The following CTBP2 variants were observed in gnomAD, a reference collection of about 807,000 sequenced individuals.
CTBP2 encodes C-terminal binding protein 2, also known as C-terminal-binding protein 2.
CTBP2 carries 30 observed loss-of-function variants against 80.3 expected under a neutral mutation model. The observed-to-expected ratio is 0.37, with a 90% confidence interval of 0.28 to 0.51. The LOEUF (loss-of-function observed/expected upper bound fraction) is 0.51. Ranked by LOEUF, CTBP2 falls within the 20% of genes least tolerant of loss-of-function variation. CTBP2 has a pLI of 0.93. For missense variants in CTBP2, 1,212 were observed against 1,375.3 expected, an observed-to-expected ratio of 0.88 and a Z score of 1.88; for synonymous variants, 594 against 587.4, an observed-to-expected ratio of 1.01 and a Z score of -0.16.
At chr10:125,015,104 G>A (rs1433386335) in intron 1 of CTBP2, among the ~76,000 whole-genome samples, 1 of 152,214 alleles carries the variant, frequency 6.6e-6, no homozygotes, top group Non-Finnish European at 1.5e-5. Flanking sequence ...TGAGTGACCG[G>A]AGCCCGAGGG....
chr10:125,054,721 T>A (rs1017956552), intron 2 of CTBP2, among the ~76,000 whole-genome samples: 4 of 149,056 alleles, frequency 2.7e-5, no homozygotes, highest in Admixed American at 6.6e-5. Flanking sequence ...ACAGAAAAGA[T>A]AAAAACAGTA....
intron 2 of CTBP2, among the ~76,000 whole-genome samples, chr10:125,108,335 T>A (rs759141448): frequency 6.6e-5 from 10 of 152,234 alleles, no homozygotes; most frequent in Non-Finnish European, 1.5e-5. Context: ...AAGAAAATAC[T>A]AAGAGGGCAA....
chr10:125,077,538 A>G (rs893099199), intron 2 of CTBP2, among the ~76,000 whole-genome samples: 1 of 152,218 alleles, frequency 6.6e-6, no homozygotes, highest in Non-Finnish European at 1.5e-5. Context: ...CCTGGCAGCC[A>G]ATAGTAATCG....
rs574149948 is a variant in CTBP2 at position 125,066,151 on chromosome 10, C to T, written c.-101-26996G>A. Among the ~76,000 whole-genome samples the T allele has an allele frequency of 2.0e-5, 3 of 151,930 alleles. No homozygotes were observed. The highest frequency in any genetic ancestry group is 2.9e-5 in the Non-Finnish European group (2 of 67,988). The stretch of plus-strand genomic sequence containing the variant: ...GCTGATGTCCTAACACCCAGGACAA[C>T]GTCTGAGTGACCAGTGGCTCTTGGC... On this transcript the variant is annotated intron_variant, in intron 2 of 10. Coordinates refer to the CTBP2 transcript ENST00000337195. This position sits in a 1 kb window ranked among gnomAD's most constrained non-coding sequence, Gnocchi z 4.1.
intron 2 of CTBP2, among the ~76,000 whole-genome samples, chr10:125,104,514 C>T (rs965783561): frequency 6.6e-6 from 1 of 152,188 alleles, no homozygotes; most frequent in Non-Finnish European, 1.5e-5. Flanking sequence ...GTATAAATGT[C>T]ACTGTTCGGG....
upstream of CTBP2, among the ~76,000 whole-genome samples, chr10:125,028,505 T>C (rs1038372287): frequency 4.6e-5 from 7 of 152,372 alleles, no homozygotes; most frequent in South Asian, 6.2e-4. Flanking sequence ...TGAAACCTGA[T>C]GCTTTGATAA....
intron 2 of CTBP2, among the ~76,000 whole-genome samples, chr10:125,072,634 G>C (rs148052499): frequency 1.0e-5 from 1 of 100,144 alleles, no homozygotes. Context: ...AAAAAGAAAA[G>C]AAAAAAAAAA....
chr10:125,006,519 G>T lies in CTBP2; in HGVS notation c.1679-3027C>A, dbSNP rs1955262764. 2.6e-5 allele frequency among the ~76,000 whole-genome samples: 4 copies of T among 152,192 alleles called. No individual in the cohort carries two copies. In the South Asian group the frequency reaches 8.3e-4, roughly 31 times the overall value. ...CCAGAGAATCTGGACTGAAATTCAA[G>T]CCCTTGCCTAGCAGCCGCTGCCCTA... On this transcript the variant is annotated intron_variant, in intron 1 of 8. Transcript: ENST00000309035.
Position 125,027,995 on chromosome 10 carries a change from G to T in CTBP2, c.-236C>A. ...TCACTCCCCAACGATAGCCAGAGAG[G>T]TCTGTTCCTTACAGCTCAGTCCCGG... is the stretch of plus-strand genomic sequence containing the variant. On this transcript the variant is annotated 5_prime_UTR_variant, in exon 1 of 9. Transcript: ENST00000309035. 8.1e-7 allele frequency: 1 copy of T among 1,237,128 alleles called. No homozygotes were observed. The highest frequency in any genetic ancestry group is 1.1e-6 in the Non-Finnish European group (1 of 949,778). 76.6% of individuals were successfully genotyped at this position (1,237,128 alleles called of 1,614,324 possible).
chr10:124,990,617 A>G lies in CTBP2; in HGVS notation c.2778-919T>C, dbSNP rs74160993. 3.5e-3 allele frequency among the ~76,000 whole-genome samples: 535 copies of G among 152,330 alleles called. 2 individuals carry two copies. Among genetic ancestry groups the G allele is most frequent in the African/African-American group, 0.012 (497 of 41,578 alleles). On this transcript the variant is annotated intron_variant, in intron 8 of 8. Transcript: ENST00000309035. The stretch of plus-strand genomic sequence containing the variant: ...CTTCTGACTGATAAAATGATTTCCC[A>G]ACAGAGTACAATGGACCCTTAGGGA...
At chr10:125,073,907 T>G (rs960011724) in intron 2 of CTBP2, among the ~76,000 whole-genome samples, 4 of 152,180 alleles carry the variant, frequency 2.6e-5, no homozygotes, top group African/African-American at 9.7e-5. Context: ...CCCAGGACGG[T>G]CTGTTCTTAC....
At chr10:125,147,830 G>A (rs556612076) in intron 1 of CTBP2, among the ~76,000 whole-genome samples, 2 of 152,098 alleles carry the variant, frequency 1.3e-5, no homozygotes, top group Admixed American at 6.5e-5. Flanking sequence ...CCGGGAGGTC[G>A]AGGCCGCAGT....
chr10:125,155,820 T>G (rs1269642884), intron 1 of CTBP2, among the ~76,000 whole-genome samples: 1 of 152,186 alleles, frequency 6.6e-6, no homozygotes, highest in Non-Finnish European at 1.5e-5. Flanking sequence ...TGCTGTAACT[T>G]TAACTTGCAG....
chr10:125,101,660 G>T (rs1850643054), intron 2 of CTBP2, among the ~76,000 whole-genome samples: 2 of 152,150 alleles, frequency 1.3e-5, no homozygotes, highest in Admixed American at 1.3e-4. Flanking sequence ...AGACCTTCAC[G>T]ACCAAGAAAG....
At chr10:125,095,245 C>T (rs1314194550) in intron 2 of CTBP2, among the ~76,000 whole-genome samples, 4 of 152,200 alleles carry the variant, frequency 2.6e-5, no homozygotes, top group African/African-American at 4.8e-5. Flanking sequence ...AAGGTCTCTA[C>T]TGACAAAGGC....
chr10:125,024,740 CAGTT>C (rs772373580), intron 1 of CTBP2, among the ~76,000 whole-genome samples: 5 of 152,198 alleles, frequency 3.3e-5, no homozygotes, highest in Admixed American at 1.3e-4. Flanking sequence ...CCATGCAAAT[CAGTT>C]GGTTGCAAAG....
At chr10:125,062,531 G>A (rs1031790183) in intron 2 of CTBP2, among the ~76,000 whole-genome samples, 1 of 152,070 alleles carries the variant, frequency 6.6e-6, no homozygotes, top group South Asian at 2.1e-4. Context: ...CAGCGCGAGG[G>A]GTTAGAGTTA....
rs546478115 is a variant in CTBP2 at position 125,062,008 on chromosome 10, T to TAG, written c.-101-22855_-101-22854dup. On this transcript the variant is annotated intron_variant, in intron 2 of 10. Coordinates refer to the CTBP2 transcript ENST00000337195. ...GGGTGGAGGTGGGACCGAAGCCGGG[T>TAG]AGCCCAGGGATCGTCCACGCCCTGA... 5.9e-4 allele frequency among the ~76,000 whole-genome samples: 90 copies of TAG among 152,154 alleles called. 1 individual carries two copies. In the South Asian group the frequency reaches 6.4e-3, roughly 11 times the overall value.
At chr10:124,994,051 T>A (rs1953105574) in intron 5 of CTBP2, 66 bp from the exon 8 acceptor site, 1 of 1,590,088 alleles carries the variant, frequency 6.3e-7, no homozygotes, top group African/African-American at 1.4e-5. Flanking sequence ...GTACCAAGGT[T>A]TAAAGAAGAA....
Sources: gnomAD v4.1 joint callset for allele counts (sites outside exome capture counted in the v4.1 genomes callset) on GRCh38, gnomAD v4.1.1 for gene constraint, Gnocchi (gnomAD v3.1) non-coding constraint, MANE v1.5 for transcripts, NCBI Gene and HGNC (gene_info 2026-07-23, HGNC 2026-07-21) for gene names.